Variants in NFATC1 observed in about 807,000 individuals in gnomAD.
NFATC1 encodes the protein nuclear factor of activated T cells 1, also known as nuclear factor of activated T-cells, cytoplasmic 1.
A neutral mutation model predicts 76.0 loss-of-function variants in NFATC1; 22 were observed. That is an observed-to-expected ratio of 0.29 (90% CI 0.21 to 0.41). The LOEUF (loss-of-function observed/expected upper bound fraction) is 0.41, where lower values mean the gene tolerates loss of function less well. NFATC1 is among the 10% of genes least tolerant of loss of function. The pLI, the probability that NFATC1 is intolerant of heterozygous loss-of-function variation, is 1.00. For synonymous variants in NFATC1, 704 were observed against 613.1 expected, an observed-to-expected ratio of 1.15 and a Z score of -2.19; for missense variants, 1,357 against 1,337.7, an observed-to-expected ratio of 1.01 and a Z score of -0.23.
intron 3 of NFATC1, among the ~76,000 whole-genome samples, chr18:79,444,387 G>A (rs1029399824): frequency 6.6e-6 from 1 of 152,208 alleles, no homozygotes; most frequent in Non-Finnish European, 1.5e-5. Flanking sequence ...CTGGGAACCA[G>A]GACAAGAGGT....
intron 8 of NFATC1, among the ~76,000 whole-genome samples, chr18:79,484,121 G>A (rs564959008): frequency 1.3e-4 from 20 of 152,012 alleles, no homozygotes; most frequent in African/African-American, 2.9e-4. Context: ...CTGACGAGGC[G>A]GGGGGAGCAC....
rs1194828458 is a variant in NFATC1 at position 79,481,210 on chromosome 18, G to C, written c.2093-5038G>C. On this transcript the variant is annotated intron_variant, in intron 8 of 9. Coordinates refer to ENST00000427363, the MANE Select transcript of NFATC1 (RefSeq NM_001278669.2). ...TTTCTGGATTTACCACATGCTTCAA[G>C]CTGGAACAGCAGGAAGGGGCAGTTC... 2.0e-5 allele frequency among the ~76,000 whole-genome samples: 3 copies of C among 152,232 alleles called. No individual in the cohort carries two copies. The East Asian group carries it at 5.8e-4, about 29-fold the overall frequency.
chr18:79,432,101 C>G (rs1251897647), intron 2 of NFATC1, among the ~76,000 whole-genome samples: 1 of 152,250 alleles, frequency 6.6e-6, no homozygotes, highest in Non-Finnish European at 1.5e-5. Context: ...GCAGATGCCC[C>G]TGCTCTGCGA....
chr18:79,427,310 A>G (rs889188404), intron 2 of NFATC1, among the ~76,000 whole-genome samples: 4 of 151,900 alleles, frequency 2.6e-5, no homozygotes, highest in African/African-American at 9.7e-5. Context: ...CCAATTTGCC[A>G]GCATGTGCAA....
Position 79,399,588 on chromosome 18 carries a change from GGC to G in NFATC1, c.127+3238_127+3239del, listed in dbSNP as rs2085114891. 2.6e-5 allele frequency among the ~76,000 whole-genome samples: 4 copies of G among 152,372 alleles called. No individual in the cohort carries two copies. The South Asian group carries it at 8.3e-4, about 32-fold the overall frequency. On this transcript the variant is annotated intron_variant, in intron 1 of 9. Coordinates refer to ENST00000427363, the MANE Select transcript of NFATC1 (RefSeq NM_001278669.2). The stretch of plus-strand genomic sequence containing the variant: ...GCTTTCCGGATCCCCGCCGCGCACA[GGC>G]TCGGGCCGCCTAGGGTGGGACCCGA...
intron 6 of NFATC1, among the ~76,000 whole-genome samples, chr18:79,456,698 G>A (rs951162215): frequency 5.9e-5 from 9 of 152,258 alleles, no homozygotes; most frequent in East Asian, 1.9e-4. Flanking sequence ...GCAGAGGAGC[G>A]GGCCGAGGAG....
Position 79,469,985 on chromosome 18 carries a change from T to G in NFATC1, c.2092+2403T>G, listed in dbSNP as rs1217951054. The G allele has an allele frequency of 3.0e-6, 3 of 985,256 alleles. No individual in the cohort carries two copies. The African/African-American group carries it at 5.2e-5, about 17-fold the overall frequency. The allele number at this position is 985,256 out of a possible 1,614,324, so 61.0% of individuals were successfully genotyped here. On this transcript the variant is annotated intron_variant, in intron 8 of 9. Coordinates refer to ENST00000427363, the MANE Select transcript of NFATC1 (RefSeq NM_001278669.2). ...TACCTCGAGGCCACTGTCAGTGTGGTTGTTAAATAAATAATGAATAGAAAC... is the reference window on the plus strand; with the variant it reads ...TACCTCGAGGCCACTGTCAGTGTGGGTGTTAAATAAATAATGAATAGAAAC...
intron 9 of NFATC1, among the ~76,000 whole-genome samples, chr18:79,489,385 C>T (rs1277888456): frequency 6.6e-6 from 1 of 152,244 alleles, no homozygotes; most frequent in Non-Finnish European, 1.5e-5. Flanking sequence ...CCTGCAGCTC[C>T]TCTGAGGATG....
chr18:79,519,412 A>C (rs56277523), intron 9 of NFATC1, among the ~76,000 whole-genome samples: 7,658 of 152,166 alleles, frequency 0.05, 217 homozygotes, highest in Middle Eastern at 0.078. Flanking sequence ...AGCTCACTGC[A>C]GCCTCAACCT....
rs577880126 is a variant in NFATC1 at position 79,458,100 on chromosome 18, A to G, written c.1904-3211A>G. Among the ~76,000 whole-genome samples, 8 of 152,208 alleles carry G rather than the reference A, an allele frequency of 5.3e-5. No individual in the cohort carries two copies. In the South Asian group the frequency reaches 1.7e-3, roughly 32 times the overall value. On this transcript the variant is annotated intron_variant, in intron 6 of 9. Coordinates refer to ENST00000427363, the MANE Select transcript of NFATC1 (RefSeq NM_001278669.2). ...CTCCTGAGCACATGCCTCGGTGTGA[A>G]AGGGCTGTGGGTCACAGGGTGGCTC...
chr18:79,435,586 G>T (rs2086746927), intron 3 of NFATC1, among the ~76,000 whole-genome samples: 1 of 152,092 alleles, frequency 6.6e-6, no homozygotes, highest in South Asian at 2.1e-4. Context: ...TCAGTGCTTG[G>T]GTACTCTCCC....
At chr18:79,424,973 G>C (rs1473249519) in intron 2 of NFATC1, among the ~76,000 whole-genome samples, 41 of 100,272 alleles carry the variant, frequency 4.1e-4, no homozygotes, top group Admixed American at 6.2e-4. Flanking sequence ...CTCCGTCTCT[G>C]TCTCTCTGTC....
rs910121987 is a variant in NFATC1 at position 79,465,538 on chromosome 18, C to T, written c.1960-1912C>T. ...CCCCGCCTCCACCCATCCAGCCTGT[C>T]CCACAGGGTCCCCGCCTCCACCCCA... On this transcript the variant is annotated intron_variant, in intron 7 of 9. Transcript: ENST00000427363. This position sits in a 1 kb window ranked among gnomAD's most constrained non-coding sequence, Gnocchi z 4.2. Among the ~76,000 whole-genome samples, 3 of 151,876 alleles carry T rather than the reference C, an allele frequency of 2.0e-5. No individual in the cohort carries two copies. Among genetic ancestry groups the T allele is most frequent in the African/African-American group, 7.3e-5 (3 of 41,360 alleles).
Position 79,465,473 on chromosome 18 carries a change from G to A in NFATC1, c.1960-1977G>A, listed in dbSNP as rs531006697. ...CCTCCGCCCAGCCAGCCTGGCCCACGGAATCTCCGCCTCTGCCCAGCCAGC... is the reference window on the plus strand; with the variant it reads ...CCTCCGCCCAGCCAGCCTGGCCCACAGAATCTCCGCCTCTGCCCAGCCAGC... On this transcript the variant is annotated intron_variant, in intron 7 of 9. Transcript: ENST00000427363. The surrounding 1 kb of genome is among the most constrained non-coding windows in gnomAD (Gnocchi z 4.2). 1.2e-4 allele frequency among the ~76,000 whole-genome samples: 18 copies of A among 148,540 alleles called. No individual in the cohort carries two copies. Among genetic ancestry groups the A allele is most frequent in the East Asian group, 1.2e-3 (6 of 4,994 alleles).
At chr18:79,400,543 C>G in intron 1 of NFATC1, 8 of 1,278,528 alleles carry the variant, frequency 6.3e-6, no homozygotes, top group Non-Finnish European at 8.0e-6. Context: ...GCGCCCAGGC[C>G]CCCTCCGCGT....
intron 9 of NFATC1, among the ~76,000 whole-genome samples, chr18:79,508,348 G>A (rs962136773): frequency 5.3e-5 from 8 of 152,178 alleles, no homozygotes; most frequent in Non-Finnish European, 8.8e-5. Context: ...CAGTTCGCTC[G>A]GCCTGACCAG....
intron 2 of NFATC1, among the ~76,000 whole-genome samples, chr18:79,414,924 A>G (rs185451356): frequency 1.3e-5 from 2 of 152,304 alleles, no homozygotes; most frequent in East Asian, 3.9e-4. Flanking sequence ...CGGGTTATTT[A>G]TAAATAGTGG....
At chr18:79,427,707 GGGGTTGGGGGGGTGCTGGACGGCTGGCC>G in intron 2 of NFATC1, among the ~76,000 whole-genome samples, 1 of 103,510 alleles carries the variant, frequency 9.7e-6, no homozygotes. Context: ...TGCAGTGGGT[GGGGTTGGGGGGGTGCTGGACGGCTGGCC>G]TCTGTGCAGT....
chr18:79,522,418 C>T (rs1200532940), intron 9 of NFATC1, among the ~76,000 whole-genome samples: 11 of 73,010 alleles, frequency 1.5e-4, no homozygotes, highest in African/African-American at 5.5e-4. Flanking sequence ...GGTGGGGGGA[C>T]GTCTGCTGGT....
Sources: gnomAD v4.1 joint callset for allele counts (sites outside exome capture counted in the v4.1 genomes callset) on GRCh38, gnomAD v4.1.1 for gene constraint, Gnocchi (gnomAD v3.1) non-coding constraint, MANE v1.5 for transcripts, NCBI Gene and HGNC (gene_info 2026-07-23, HGNC 2026-07-21) for gene names.